ZC3H3: variants seen among roughly 807,000 people sequenced by gnomAD.
ZC3H3 encodes zinc finger CCCH-type containing 3.
In ZC3H3, 36 loss-of-function variants were observed where a neutral mutation model predicts 77.3. The ratio of observed to expected loss-of-function variants is 0.47; its 90% CI spans 0.36 to 0.61. The LOEUF is 0.61. ZC3H3 is among the 20% of genes least tolerant of loss of function. The probability of loss-of-function intolerance (pLI) is 0.00; values close to 1 mark genes in which losing one functional copy is unlikely to be tolerated. For synonymous variants in ZC3H3, 626 were observed against 555.2 expected (o/e 1.13, Z -1.79); for missense variants, 1,331 against 1,312.2 (o/e 1.01, Z -0.22).
intron 3 of ZC3H3, among the ~76,000 whole-genome samples, chr8:143,518,890 G>A (rs1822148990): frequency 6.6e-6 from 1 of 152,242 alleles, no homozygotes; most frequent in Non-Finnish European, 1.5e-5. Context: ...CCTTGACCGG[G>A]GTGGCACCAG....
In ZC3H3 at chr8:143,494,615, G is replaced by A. The variant is rs1183032517; in HGVS notation, c.1715+13131C>T. Reference sequence around the variant, plus strand: ...GAGGGCCGGCCGGGACAGGAGGGAAGCGGCAGGTCGGGGGAGGGGGGTGCT... The same window carrying A: ...GAGGGCCGGCCGGGACAGGAGGGAAACGGCAGGTCGGGGGAGGGGGGTGCT... On this transcript the variant is annotated intron_variant, in intron 4 of 11. Transcript: ENST00000262577. The surrounding 1 kb of genome is among the most constrained non-coding windows in gnomAD (Gnocchi z 5.3). Among the ~76,000 whole-genome samples, 1 of 152,172 alleles carries A rather than the reference G, an allele frequency of 6.6e-6. No homozygotes were observed. The highest frequency in any genetic ancestry group is 1.5e-5 in the Non-Finnish European group (1 of 68,032).
rs576486777 is a variant in ZC3H3 at position 143,493,897 on chromosome 8, T to C, written c.1715+13849A>G. 2.6e-5 allele frequency among the ~76,000 whole-genome samples: 4 copies of C among 152,262 alleles called. No individual in the cohort carries two copies. The South Asian group carries it at 8.3e-4, about 32-fold the overall frequency. On this transcript the variant is annotated intron_variant, in intron 4 of 11. Coordinates refer to ENST00000262577, the MANE Select transcript of ZC3H3 (RefSeq NM_015117.3). This position sits in a 1 kb window ranked among gnomAD's most constrained non-coding sequence, Gnocchi z 4.8. ...ATTTACTGCATTGAAACGAAATGAA[T>C]AGTAATAAGTCACTAAGCTCCCTGT...
intron 3 of ZC3H3, among the ~76,000 whole-genome samples, chr8:143,514,669 G>C (rs766422578): frequency 6.6e-6 from 1 of 152,138 alleles, no homozygotes; most frequent in African/African-American, 2.4e-5. Flanking sequence ...CGAGTTTCAC[G>C]CAGAGCCAGG....
At position 143,538,961 on chromosome 8, in the gene ZC3H3, C is replaced by A; in HGVS notation, c.406G>T (p.Ala136Ser). The A allele has an allele frequency of 6.2e-7, 1 of 1,613,076 alleles. No homozygotes were observed. Among genetic ancestry groups the A allele is most frequent in the Non-Finnish European group, 8.5e-7 (1 of 1,180,038 alleles). Residue 136 changes from alanine (A) to serine (S), a missense_variant, in exon 2 of 12, where the codon GCC (alanine) becomes TCC (serine). Transcript: ENST00000262577. ...KVKPPSKSGS[A>S]SASGAQRGSL... is the part of the protein sequence containing the mutation. ...CCCCGCTGGGCCCCTGAGGCACTGG[C>A]AGAGCCAGACTTTGATGGCGGTTTA...
chr8:143,458,890 G>A (rs1820187074), intron 9 of ZC3H3, among the ~76,000 whole-genome samples: 1 of 152,092 alleles, frequency 6.6e-6, no homozygotes, highest in African/African-American at 2.4e-5. Context: ...GGAGGCAGAG[G>A]TGGGAGGATC....
rs1019976167 is a variant in ZC3H3 at position 143,483,962 on chromosome 8, T to C, written c.1716-8377A>G. Among the ~76,000 whole-genome samples, 6 of 152,256 alleles carry C rather than the reference T, an allele frequency of 3.9e-5. No homozygotes were observed. In the East Asian group the frequency reaches 1.2e-3, roughly 29 times the overall value. Reference sequence around the variant, plus strand: ...GGCCTGCAGAGACCGTCCAGCCGCTTGGCTTTCCAGGATACACCTTCAGCA... The same window carrying C: ...GGCCTGCAGAGACCGTCCAGCCGCTCGGCTTTCCAGGATACACCTTCAGCA... On this transcript the variant is annotated intron_variant, in intron 4 of 11. Transcript: ENST00000262577.
rs144551256 is a variant in ZC3H3 at position 143,501,957 on chromosome 8, G to C, written c.1715+5789C>G. Reference sequence around the variant, plus strand: ...CCAGCGGGATGGCGTGAGGACGCAGGGCCTTCAGAGGTGATGAGGTGAAAT... The same window carrying C: ...CCAGCGGGATGGCGTGAGGACGCAGCGCCTTCAGAGGTGATGAGGTGAAAT... On this transcript the variant is annotated intron_variant, in intron 4 of 11. Coordinates refer to ENST00000262577, the MANE Select transcript of ZC3H3 (RefSeq NM_015117.3). 2.4e-3 allele frequency among the ~76,000 whole-genome samples: 365 copies of C among 152,370 alleles called. 1 individual carries two copies. Among genetic ancestry groups the C allele is most frequent in the African/African-American group, 8.1e-3 (337 of 41,588 alleles).
intron 9 of ZC3H3, among the ~76,000 whole-genome samples, chr8:143,446,852 CGG>C (rs1819873746): frequency 7.9e-5 from 12 of 152,250 alleles, no homozygotes; most frequent in Admixed American, 7.9e-4. Context: ...GGCCCGCAAC[CGG>C]AGAACTGTCT....
At chr8:143,475,866 C>G (rs535981455) in intron 4 of ZC3H3, among the ~76,000 whole-genome samples, 1 of 152,204 alleles carries the variant, frequency 6.6e-6, no homozygotes, top group African/African-American at 2.4e-5. Flanking sequence ...ACCCCACCCA[C>G]GAGGCTGGGA....
At chr8:143,521,117 C>T (rs929870505) in intron 3 of ZC3H3, among the ~76,000 whole-genome samples, 4 of 152,114 alleles carry the variant, frequency 2.6e-5, no homozygotes, top group Non-Finnish European at 5.9e-5. Context: ...CCTGCCCAGC[C>T]CAGAGGGTTC....
intron 4 of ZC3H3, among the ~76,000 whole-genome samples, chr8:143,479,972 C>T (rs1820864354): frequency 6.6e-6 from 1 of 152,222 alleles, no homozygotes; most frequent in Non-Finnish European, 1.5e-5. Flanking sequence ...TGGCGAGGGG[C>T]ACCACAGGTG....
intron 3 of ZC3H3, among the ~76,000 whole-genome samples, chr8:143,534,636 ACCTCCCCAACCCCT>A (rs150690547): frequency 0.21 from 31,221 of 151,486 alleles, 3,331 homozygotes; most frequent in Non-Finnish European, 0.24. Context: ...AGAGCTGGAC[ACCTCCCCAACCCCT>A]CCTCCCCAAG....
At chr8:143,450,113 T>A (rs1382664846) in intron 9 of ZC3H3, among the ~76,000 whole-genome samples, 1 of 152,206 alleles carries the variant, frequency 6.6e-6, no homozygotes, top group Non-Finnish European at 1.5e-5. Context: ...TAGCAATGCC[T>A]CACTCCTCAG....
chr8:143,467,710 T>C (rs1258015915), intron 8 of ZC3H3, among the ~76,000 whole-genome samples: 1 of 152,012 alleles, frequency 6.6e-6, no homozygotes, highest in Non-Finnish European at 1.5e-5. Flanking sequence ...GTCTGTTGGG[T>C]TTCAGGCCGC....
intron 1 of ZC3H3, 73 bp from the exon 2 acceptor site, chr8:143,539,393 T>A: frequency 2.1e-6 from 3 of 1,418,014 alleles, no homozygotes; most frequent in Non-Finnish European, 2.8e-6. Context: ...TGGAAGGGCA[T>A]CAGCTGGCAA....
intron 9 of ZC3H3, among the ~76,000 whole-genome samples, chr8:143,445,519 T>C (rs994897151): frequency 6.6e-6 from 1 of 151,738 alleles, no homozygotes; most frequent in Non-Finnish European, 1.5e-5. Flanking sequence ...ACCCTGTTTC[T>C]ACAAAAGATT....
At position 143,494,783 on chromosome 8, in the gene ZC3H3, G is replaced by A. The variant is rs1046798446; in HGVS notation, c.1715+12963C>T. ...CTGGCTCAGCAAGGTGGGGAAGGGGGCCTCCTGCAGTCAAGAATGAGGAGC... is the reference window on the plus strand; with the variant it reads ...CTGGCTCAGCAAGGTGGGGAAGGGGACCTCCTGCAGTCAAGAATGAGGAGC... On this transcript the variant is annotated intron_variant, in intron 4 of 11. Coordinates refer to ENST00000262577, the MANE Select transcript of ZC3H3 (RefSeq NM_015117.3). This position sits in a 1 kb window ranked among gnomAD's most constrained non-coding sequence, Gnocchi z 5.3. Among the ~76,000 whole-genome samples the A allele has an allele frequency of 1.3e-5, 2 of 152,174 alleles. No homozygotes were observed. The highest frequency in any genetic ancestry group is 2.1e-4 in the South Asian group (1 of 4,832).
intron 9 of ZC3H3, among the ~76,000 whole-genome samples, chr8:143,456,765 G>C (rs1422839665): frequency 6.6e-6 from 1 of 152,160 alleles, no homozygotes; most frequent in East Asian, 1.9e-4. Context: ...CTACTCAGGA[G>C]GCTAAGGTGG....
chr8:143,449,084 T>C (rs1319156478), intron 9 of ZC3H3, among the ~76,000 whole-genome samples: 1 of 152,238 alleles, frequency 6.6e-6, no homozygotes, highest in African/African-American at 2.4e-5. Flanking sequence ...GCAGTGGGGC[T>C]CTGGGCCAGG....
Sources: allele counts gnomAD v4.1 joint callset (sites outside exome capture counted in the v4.1 genomes callset), GRCh38; gene constraint gnomAD v4.1.1; non-coding constraint Gnocchi (gnomAD v3.1); transcripts MANE v1.5; gene names NCBI Gene and HGNC (gene_info 2026-07-23, HGNC 2026-07-21).